ZNF91: variants seen among roughly 807,000 people sequenced by gnomAD.
The protein encoded by ZNF91 is zinc finger protein 91 (HPF7, HTF10).
A neutral mutation model predicts 12.6 loss-of-function variants in ZNF91; 7 were observed. The ratio of observed to expected loss-of-function variants is 0.55; its 90% confidence interval spans 0.31 to 1.04. The LOEUF (loss-of-function observed/expected upper bound fraction) is 1.04. Among genes scored for constraint, ZNF91 ranks in the 50% least tolerant of loss-of-function variants. The probability of loss-of-function intolerance (pLI) is 0.05; values close to 1 mark genes in which losing one functional copy is unlikely to be tolerated. For missense variants in ZNF91, 1,217 were observed against 1,385.4 expected (o/e 0.88, Z 1.93); for synonymous variants, 453 against 462.6 (o/e 0.98, Z 0.27).
intron 1 of ZNF91, among the ~76,000 whole-genome samples, chr19:23,377,593 A>C (rs1969549272): frequency 6.6e-6 from 1 of 152,212 alleles, no homozygotes; most frequent in Admixed American, 6.5e-5. Flanking sequence ...TGTTAGAAAA[A>C]TGAGGCACAG....
At chr19:23,331,486 G>T (rs988154889) in intron 1 of ZNF91, among the ~76,000 whole-genome samples, 1 of 152,206 alleles carries the variant, frequency 6.6e-6, no homozygotes, top group African/African-American at 2.4e-5. Context: ...GATATATGCT[G>T]TAAAATTACT....
At chr19:23,335,945 C>T (rs753877382), downstream of ZNF91, among the ~76,000 whole-genome samples, 1 of 152,162 alleles carries the variant, frequency 6.6e-6, no homozygotes, top group South Asian at 2.1e-4. Context: ...ATTCGGCCAT[C>T]TTGGAACCCC....
chr19:23,358,658 GGT>G lies in ZNF91; in HGVS notation c.*743_*744del, dbSNP rs1466342791. On this transcript the variant is annotated 3_prime_UTR_variant, in exon 4 of 4. Transcript: ENST00000300619. ...GCATAAATGCTTTCCTATGCATTAA[GGT>G]GTGAGCATTAGTTCAAAGCTTGGCC... is the stretch of plus-strand genomic sequence containing the variant. 2 of 153,886 alleles carry G rather than the reference GGT, an allele frequency of 1.3e-5. No homozygotes were observed. Among genetic ancestry groups the G allele is most frequent in the African/African-American group, 4.8e-5 (2 of 41,438 alleles). The allele number at this position is 153,886 out of a possible 1,614,324, so 9.5% of individuals were successfully genotyped here.
chr19:23,330,123 G>A lies in ZNF91; in HGVS notation n.117-21026C>T, dbSNP rs1206893869. Reference sequence around the variant, plus strand: ...GCTGAGGCGGATCACCTGATGTCAGGAGTTCGAGACCAGCTTTGTCAACAT... The same window carrying A: ...GCTGAGGCGGATCACCTGATGTCAGAAGTTCGAGACCAGCTTTGTCAACAT... On this transcript the variant is annotated intron_variant and non_coding_transcript_variant, in intron 1 of 1. Transcript: ENST00000596528. Among the ~76,000 whole-genome samples, 4 of 152,112 alleles carry A rather than the reference G, an allele frequency of 2.6e-5. No individual in the cohort carries two copies. In the East Asian group the frequency reaches 7.7e-4, roughly 29 times the overall value.
At chr19:23,395,292 CCT>C (rs1970196075) in intron 1 of ZNF91, 31 bp downstream of exon 1, 5 of 1,611,360 alleles carry the variant, frequency 3.1e-6, no homozygotes, top group Non-Finnish European at 8.5e-7. Flanking sequence ...AGCCCCGTTC[CCT>C]CTCTCGGGAC....
intron 2 of ZNF91, among the ~76,000 whole-genome samples, chr19:23,374,388 CA>C (rs34706703): frequency 0.12 from 11,024 of 88,210 alleles, 703 homozygotes; most frequent in African/African-American, 0.24. Context: ...CTAAAAATAC[CA>C]AAAAAAAAAA....
chr19:23,334,551 T>C (rs1967972833), downstream of ZNF91, among the ~76,000 whole-genome samples: 1 of 152,200 alleles, frequency 6.6e-6, no homozygotes, highest in Non-Finnish European at 1.5e-5. Context: ...CATGGTTAAA[T>C]AATAATAGAA....
chr19:23,392,856 T>C (rs1970111826), intron 1 of ZNF91, among the ~76,000 whole-genome samples: 2 of 152,002 alleles, frequency 1.3e-5, no homozygotes, highest in African/African-American at 2.4e-5. Context: ...CTTTTCAAGA[T>C]ACAGATATGT....
chr19:23,330,975 C>T (rs1335283887), intron 1 of ZNF91, among the ~76,000 whole-genome samples: 1 of 152,162 alleles, frequency 6.6e-6, no homozygotes, highest in Non-Finnish European at 1.5e-5. Context: ...TGTTCAGAAA[C>T]AATTTGTGGT....
chr19:23,385,904 G>T (rs1024904622), intron 1 of ZNF91, among the ~76,000 whole-genome samples: 2 of 152,012 alleles, frequency 1.3e-5, no homozygotes, highest in African/African-American at 2.4e-5. Flanking sequence ...TACAGGCAAA[G>T]TACTACTGTA....
chr19:23,318,753 AG>A (rs1967622767), intron 1 of ZNF91, among the ~76,000 whole-genome samples: 1 of 152,162 alleles, frequency 6.6e-6, no homozygotes, highest in Non-Finnish European at 1.5e-5. Flanking sequence ...ATTATCCCTA[AG>A]CCCAACACAC....
At chr19:23,356,657 C>A (rs1385160768), downstream of ZNF91, among the ~76,000 whole-genome samples, 1 of 152,104 alleles carries the variant, frequency 6.6e-6, no homozygotes, top group Non-Finnish European at 1.5e-5. Context: ...GATGGATGCA[C>A]CAGGATCTCA....
intron 1 of ZNF91, among the ~76,000 whole-genome samples, chr19:23,317,569 G>C (rs1967593224): frequency 6.6e-6 from 1 of 152,162 alleles, no homozygotes; most frequent in Admixed American, 6.6e-5. Flanking sequence ...GTGAGATTTT[G>C]ACTCTTGTAT....
intron 3 of ZNF91, among the ~76,000 whole-genome samples, chr19:23,340,310 G>C (rs956538002): frequency 2.6e-5 from 4 of 151,940 alleles, no homozygotes; most frequent in African/African-American, 9.7e-5. Context: ...AAATAGAATA[G>C]AAATCTAAAT....
upstream of ZNF91, among the ~76,000 whole-genome samples, chr19:23,310,827 T>TA (rs1295272505): frequency 1.3e-5 from 2 of 152,220 alleles, no homozygotes; most frequent in African/African-American, 4.8e-5. Context: ...GGAAGCATTG[T>TA]GACATATCGC....
chr19:23,393,248 G>A (rs747636927), intron 1 of ZNF91, among the ~76,000 whole-genome samples: 5 of 152,072 alleles, frequency 3.3e-5, no homozygotes, highest in African/African-American at 4.8e-5. Context: ...ATTGGGTGAA[G>A]GCAATATTAA....
chr19:23,368,849 A>C (rs1969135864), intron 3 of ZNF91, among the ~76,000 whole-genome samples: 1 of 151,976 alleles, frequency 6.6e-6, no homozygotes, highest in African/African-American at 2.4e-5. Context: ...AATTAAAATA[A>C]ATTTTCATAA....
At chr19:23,389,294 G>A (rs1969982678) in intron 1 of ZNF91, among the ~76,000 whole-genome samples, 1 of 152,078 alleles carries the variant, frequency 6.6e-6, no homozygotes, top group African/African-American at 2.4e-5. Flanking sequence ...TTATAAACAG[G>A]TGGTCCAGAA....
At chr19:23,382,031 A>G (rs1969735395) in intron 1 of ZNF91, among the ~76,000 whole-genome samples, 1 of 149,448 alleles carries the variant, frequency 6.7e-6, no homozygotes, top group Admixed American at 6.7e-5. Flanking sequence ...CGGGTCCCAG[A>G]TAAAGACAAT....
Sources: gnomAD v4.1 joint callset for allele counts (sites outside exome capture counted in the v4.1 genomes callset) on GRCh38, gnomAD v4.1.1 for gene constraint, MANE v1.5 for transcripts, NCBI Gene and HGNC (gene_info 2026-07-23, HGNC 2026-07-21) for gene names.